CSMD3: variants seen among roughly 807,000 people sequenced by gnomAD.
CSMD3 encodes the protein CUB and sushi domain-containing protein 3.
In CSMD3, 177 loss-of-function variants were observed where a neutral mutation model predicts 435.2. That is an observed-to-expected ratio of 0.41 (90% CI 0.36 to 0.46). CSMD3 has a LOEUF of 0.46. Among genes scored for constraint, CSMD3 ranks in the 20% least tolerant of loss-of-function variants. CSMD3 has a pLI of 0.34. For missense variants in CSMD3, 4,265 were observed against 4,504.6 expected, an observed-to-expected ratio of 0.95 and a Z score of 1.52; for synonymous variants, 1,656 against 1,520.5, an observed-to-expected ratio of 1.09 and a Z score of -2.07.
At chr8:113,086,279 C>T (rs1025752851) in intron 5 of CSMD3, among the ~76,000 whole-genome samples, 3 of 150,156 alleles carry the variant, frequency 2.0e-5, no homozygotes, top group African/African-American at 4.9e-5. Context: ...CCAACCAGTA[C>T]ATCAAAAATT....
chr8:112,630,587 C>A (rs1402347049), intron 22 of CSMD3, among the ~76,000 whole-genome samples: 1 of 151,848 alleles, frequency 6.6e-6, no homozygotes, highest in Non-Finnish European at 1.5e-5. Context: ...GAGAGCTGGG[C>A]TAGGACAAAG....
At chr8:113,422,476 A>T (rs1312356735) in intron 1 of CSMD3, among the ~76,000 whole-genome samples, 3 of 152,178 alleles carry the variant, frequency 2.0e-5, no homozygotes, top group African/African-American at 7.2e-5. Flanking sequence ...AAGTCAATCA[A>T]TATGGTATTC....
chr8:112,559,176 A>G (rs1828391285), intron 24 of CSMD3, among the ~76,000 whole-genome samples: 1 of 151,962 alleles, frequency 6.6e-6, no homozygotes, highest in South Asian at 2.1e-4. Context: ...AAAACTCCAG[A>G]GAAATTTATG....
At chr8:112,317,652 G>C (rs937738171) in intron 47 of CSMD3, among the ~76,000 whole-genome samples, 8 of 152,000 alleles carry the variant, frequency 5.3e-5, no homozygotes, top group African/African-American at 1.9e-4. Flanking sequence ...CCAACTTCAA[G>C]ATGTCCTAAT....
intron 10 of CSMD3, among the ~76,000 whole-genome samples, chr8:112,861,624 C>T (rs2080829044): frequency 6.6e-6 from 1 of 151,922 alleles, no homozygotes; most frequent in Non-Finnish European, 1.5e-5. Flanking sequence ...AATTCTTCCA[C>T]TAAGGATTCT....
At chr8:113,275,866 T>C (rs929654048) in intron 3 of CSMD3, among the ~76,000 whole-genome samples, 3 of 151,896 alleles carry the variant, frequency 2.0e-5, no homozygotes, top group Non-Finnish European at 2.9e-5. Context: ...AATTTAAAAA[T>C]ACAGGCATAA....
chr8:112,405,244 T>TATATATATATATAC (rs1554668933), intron 35 of CSMD3, among the ~76,000 whole-genome samples: 1 of 83,330 alleles, frequency 1.2e-5, no homozygotes, highest in African/African-American at 5.3e-5. Flanking sequence ...TATATATATA[T>TATATATATATATAC]ATACATATAT....
intron 31 of CSMD3, among the ~76,000 whole-genome samples, chr8:112,482,021 TC>T (rs1300887652): frequency 1.3e-5 from 2 of 152,128 alleles, no homozygotes; most frequent in African/African-American, 4.8e-5. Context: ...AAAAAAAAAT[TC>T]CATATCAGTG....
At chr8:112,649,313 A>G (rs1394487442) in intron 19 of CSMD3, among the ~76,000 whole-genome samples, 1 of 152,246 alleles carries the variant, frequency 6.6e-6, no homozygotes, top group Non-Finnish European at 1.5e-5. Context: ...TTAAAGGAAG[A>G]TGTTTTGATG....
intron 7 of CSMD3, among the ~76,000 whole-genome samples, chr8:112,962,357 C>T (rs2084263401): frequency 6.6e-6 from 1 of 151,726 alleles, no homozygotes; most frequent in Admixed American, 6.6e-5. Context: ...GTTTCGCACT[C>T]AACATAAGAA....
intron 31 of CSMD3, among the ~76,000 whole-genome samples, chr8:112,488,618 G>C (rs918041429): frequency 1.3e-5 from 2 of 152,108 alleles, no homozygotes; most frequent in African/African-American, 4.8e-5. Context: ...TGTGGGATGG[G>C]ACCTCGGCTG....
chr8:113,054,308 T>C (rs895018436), intron 5 of CSMD3, among the ~76,000 whole-genome samples: 2 of 152,296 alleles, frequency 1.3e-5, no homozygotes, highest in Non-Finnish European at 2.9e-5. Context: ...ATAACATTAT[T>C]GCTTAATTTT....
chr8:112,850,095 T>C (rs1209364989), intron 11 of CSMD3, among the ~76,000 whole-genome samples: 2 of 152,186 alleles, frequency 1.3e-5, no homozygotes, highest in African/African-American at 4.8e-5. Flanking sequence ...ACATTCTTCA[T>C]ATATAGTAAA....
At chr8:112,976,222 CA>C in intron 6 of CSMD3, 74 bp from the exon 7 acceptor site, 1 of 1,490,390 alleles carries the variant, frequency 6.7e-7, no homozygotes, top group Non-Finnish European at 9.2e-7. Flanking sequence ...TAAATTTAAT[CA>C]ATCATATTCT....
At chr8:112,267,270 T>C (rs1027238308) in intron 59 of CSMD3, among the ~76,000 whole-genome samples, 7 of 152,154 alleles carry the variant, frequency 4.6e-5, no homozygotes, top group African/African-American at 1.4e-4. Flanking sequence ...TTCAACCTCA[T>C]AACTTTTGGA....
rs569658275 is a variant in CSMD3 at position 112,577,141 on chromosome 8, G to A, written c.3886-3484C>T. ...ATAAAATTGCTTAATCAACATGAAA[G>A]GCAAGTATTAATTAGGAAGCCCTTA... On this transcript the variant is annotated intron_variant, in intron 23 of 70. Transcript: ENST00000297405. Among the ~76,000 whole-genome samples, 3 of 151,972 alleles carry A rather than the reference G, an allele frequency of 2.0e-5. No individual in the cohort carries two copies. The South Asian group carries it at 6.2e-4, about 32-fold the overall frequency.
chr8:112,703,056 T>C (rs1022144056), intron 13 of CSMD3, among the ~76,000 whole-genome samples: 4 of 152,192 alleles, frequency 2.6e-5, no homozygotes, highest in African/African-American at 9.6e-5. Flanking sequence ...TTAGCTAGCA[T>C]CCTACTGGTA....
intron 67 of CSMD3, among the ~76,000 whole-genome samples, chr8:112,235,877 T>C (rs1813534540): frequency 6.6e-6 from 1 of 152,034 alleles, no homozygotes; most frequent in Admixed American, 6.6e-5. Context: ...TTTCCATATA[T>C]ATAGAAAACT....
chr8:113,162,789 T>C (rs1386859104), intron 4 of CSMD3, among the ~76,000 whole-genome samples: 1 of 152,058 alleles, frequency 6.6e-6, no homozygotes, highest in Non-Finnish European at 1.5e-5. Context: ...AAAATGTCTC[T>C]GGTCCACAGA....
Sources: gnomAD v4.1 joint callset for allele counts (sites outside exome capture counted in the v4.1 genomes callset) on GRCh38, gnomAD v4.1.1 for gene constraint, MANE v1.5 for transcripts, NCBI Gene and HGNC (gene_info 2026-07-23, HGNC 2026-07-21) for gene names.